The following MRPS26 variants were observed in gnomAD, a reference collection of about 807,000 sequenced individuals.
MRPS26 encodes mitochondrial ribosomal protein S26.
A neutral mutation model predicts 22.7 loss-of-function variants in MRPS26; 26 were observed. That is an observed-to-expected ratio of 1.15 (90% CI 0.84 to 1.59). The LOEUF is 1.59. Among genes scored for constraint, MRPS26 ranks in the 40% most tolerant of loss-of-function variants. MRPS26 has a pLI of 0.00. For missense variants in MRPS26, 291 were observed against 287.7 expected (o/e 1.01, Z -0.08); for synonymous variants, 120 against 124.0 (o/e 0.97, Z 0.22).
Position 3,046,265 on chromosome 20 carries a change from C to T in MRPS26, c.197C>T (p.Thr66Ile). 1 of 1,607,002 alleles carries T rather than the reference C, an allele frequency of 6.2e-7. No homozygotes were observed. ...GAGCGTTACCAGCACTACCGCCAGA[C>T]CGTGCGCGCCCTCAGGTGTGCGGCC... Reference protein sequence around the residue: ...LMERYQHYRQTVRALRMEFVS... With the variant: ...LMERYQHYRQIVRALRMEFVS... The change falls in exon 1 of 4, where the codon ACC (threonine) becomes ATC (isoleucine). Residue 66 changes from threonine (T) to isoleucine (I), a missense_variant. Transcript: ENST00000380325.
chr20:3,047,652 T>C (rs2065995231), intron 3 of MRPS26, 83 bp from the exon 4 acceptor site: 2 of 1,572,924 alleles, frequency 1.3e-6, no homozygotes, highest in African/African-American at 2.8e-5. Flanking sequence ...GCTTTCTCAG[T>C]GGGGTGAGAG....
rs1196505413 is a variant in MRPS26 at position 3,046,499 on chromosome 20, C to T, written c.339C>T (p.Asn113=). The change falls in exon 2 of 4, where the codon AAC becomes AAT. Residue 113 remains asparagine (N), a synonymous_variant. Transcript: ENST00000380325. The part of the protein sequence containing the change: ...RELMAWNQAE[N]RRLHELRIAR... The stretch of plus-strand genomic sequence containing the variant: ...TGATGGCCTGGAACCAGGCGGAGAA[C>T]CGGCGGCTGCACGAGCTGCGGTGCG... 6.4e-7 allele frequency: 1 copy of T among 1,562,402 alleles called. No homozygotes were observed. Among genetic ancestry groups the T allele is most frequent in the South Asian group, 1.2e-5 (1 of 85,570 alleles).
chr20:3,047,115 G>GGGT (rs2065992755), intron 3 of MRPS26, among the ~76,000 whole-genome samples: 1 of 152,138 alleles, frequency 6.6e-6, no homozygotes, highest in Non-Finnish European at 1.5e-5. Flanking sequence ...AAGTATAGAA[G>GGGT]GGTGGCTGGG....
At position 3,046,542 on chromosome 20, in the gene MRPS26, C is replaced by A. The variant is rs533555228; in HGVS notation, c.359+23C>A. On this transcript the variant is annotated intron_variant, in intron 2 of 3. Coordinates refer to ENST00000380325, the MANE Select transcript of MRPS26 (RefSeq NM_030811.4). ...GCGGTGCGTGGGGCGGGAGGCGGGG[C>A]GGGGCGGCGCGGCCTGGCCGGCCTG... The A allele has an allele frequency of 2.4e-4, 359 of 1,509,352 alleles. 1 individual carries two copies. In the African/African-American group the frequency reaches 3.9e-3, roughly 16 times the overall value. The allele number at this position is 1,509,352 out of a possible 1,614,324, so 93.5% of individuals were successfully genotyped here.
rs1363322058 is a variant in MRPS26, at chr20:3,046,640, GGGAGCAGGAGCAGCGGCAGGCGTT to G, written c.395_418del (p.Glu132_Gln139del). ...ATAGCGAGGCTGCGGCAGGAGGAGC[GGGAGCAGGAGCAGCGGCAGGCGTT>G]GGAGCAGGCCCGCAAGGCCGAAGAG... On this transcript the variant is annotated inframe_deletion, in exon 3 of 4. Transcript: ENST00000380325. 5.2e-6 allele frequency: 8 copies of G among 1,539,480 alleles called. No homozygotes were observed. Among genetic ancestry groups the G allele is most frequent in the Non-Finnish European group, 6.1e-6 (7 of 1,139,070 alleles).
Position 3,046,538 on chromosome 20 carries a change from G to T in MRPS26, c.359+19G>T. 6.6e-7 allele frequency: 1 copy of T among 1,512,166 alleles called. No homozygotes were observed. The highest frequency in any genetic ancestry group is 8.8e-7 in the Non-Finnish European group (1 of 1,135,152). 93.7% of individuals were successfully genotyped at this position (1,512,166 alleles called of 1,614,324 possible). A position where few individuals can be genotyped will look rare whatever the true frequency, so the allele number is the denominator to read the frequency against. On this transcript the variant is annotated intron_variant, in intron 2 of 3. Coordinates refer to ENST00000380325, the MANE Select transcript of MRPS26 (RefSeq NM_030811.4). ...AGCTGCGGTGCGTGGGGCGGGAGGC[G>T]GGGCGGGGCGGCGCGGCCTGGCCGG...
At position 3,046,109 on chromosome 20, in the gene MRPS26, G is replaced by C. The variant is rs2065986197; in HGVS notation, c.41G>C (p.Cys14Ser). 1 of 1,563,802 alleles carries C rather than the reference G, an allele frequency of 6.4e-7. No homozygotes were observed. The change falls in exon 1 of 4, where the codon TGC becomes TCC. Residue 14 changes from cysteine to serine, a missense_variant. By Grantham distance (112) the Cys-to-Ser change is moderately radical (BLOSUM62 -1). Coordinates refer to ENST00000380325, the MANE Select transcript of MRPS26 (RefSeq NM_030811.4). ...ALSRLGAGTP[C>S]RPRAPLVLPA... ...AGCCGCCTGGGCGCGGGGACCCCGT[G>C]CAGGCCCCGGGCCCCTCTGGTGCTG...
Position 3,046,494 on chromosome 20 carries a change from G to A in MRPS26, c.334G>A (p.Glu112Lys), listed in dbSNP as rs765579762. ...CGAGCTGATGGCCTGGAACCAGGCG[G>A]AGAACCGGCGGCTGCACGAGCTGCG... ...HRELMAWNQAENRRLHELRIA... is the reference protein window; with the variant it reads ...HRELMAWNQAKNRRLHELRIA... The change falls in exon 2 of 4, where the codon GAG becomes AAG. Residue 112 changes from glutamate to lysine, a missense_variant. Glu to Lys is a moderately conservative substitution (Grantham distance 56). Coordinates refer to ENST00000380325, the MANE Select transcript of MRPS26 (RefSeq NM_030811.4). 1.9e-6 allele frequency: 3 copies of A among 1,567,852 alleles called. No homozygotes were observed. The highest frequency in any genetic ancestry group is 1.2e-5 in the South Asian group (1 of 86,108).
chr20:3,047,138 C>T (rs1196861953), intron 3 of MRPS26, among the ~76,000 whole-genome samples: 1 of 152,144 alleles, frequency 6.6e-6, no homozygotes, highest in Non-Finnish European at 1.5e-5. Context: ...CGGTGGTTCA[C>T]GCCTGTAATC....
At position 3,046,101 on chromosome 20, in the gene MRPS26, G is replaced by T. The variant is rs766267894; in HGVS notation, c.33G>T (p.Gly11=). ...GCGCGCTGAGCCGCCTGGGCGCGGGGACCCCGTGCAGGCCCCGGGCCCCTC... is the reference window on the plus strand; with the variant it reads ...GCGCGCTGAGCCGCCTGGGCGCGGGTACCCCGTGCAGGCCCCGGGCCCCTC... The part of the protein sequence containing the change: MLRALSRLGA[G]TPCRPRAPLV... Residue 11 remains glycine (G), a synonymous_variant, in exon 1 of 4, where the codon GGG becomes GGT. Coordinates refer to ENST00000380325, the MANE Select transcript of MRPS26 (RefSeq NM_030811.4). 1.3e-6 allele frequency: 2 copies of T among 1,550,664 alleles called. No individual in the cohort carries two copies. Among genetic ancestry groups the T allele is most frequent in the Non-Finnish European group, 1.7e-6 (2 of 1,156,810 alleles).
chr20:3,046,559 G>A (rs916310401), intron 2 of MRPS26, 40 bp downstream of exon 2: 2 of 1,516,516 alleles, frequency 1.3e-6, no homozygotes, highest in Non-Finnish European at 8.8e-7. Context: ...GCGCGGCCTG[G>A]CCGGCCTGGG....
In MRPS26 at chr20:3,046,689, G is replaced by A; in HGVS notation, c.435G>A (p.Glu145=). 6.5e-7 allele frequency: 1 copy of A among 1,545,836 alleles called. No homozygotes were observed. The highest frequency in any genetic ancestry group is 8.7e-7 in the Non-Finnish European group (1 of 1,146,290). The change falls in exon 3 of 4, where the codon GAG becomes GAA. Residue 145 remains glutamate, a synonymous_variant. Transcript: ENST00000380325. ...QALEQARKAE[E]VQAWAQRKER... is the part of the protein sequence containing the mutation. ...TGGAGCAGGCCCGCAAGGCCGAAGA[G>A]GTGCAGGCCTGGGCGCAGCGCAAGG...
chr20:3,047,751 T>G lies in MRPS26; in HGVS notation c.500T>G (p.Phe167Cys). 6.2e-7 allele frequency: 1 copy of G among 1,613,544 alleles called. No homozygotes were observed. Among genetic ancestry groups the G allele is most frequent in the Non-Finnish European group, 8.5e-7 (1 of 1,179,792 alleles). The change falls in exon 4 of 4, where the codon TTC becomes TGC. Residue 167 changes from phenylalanine to cysteine, a missense_variant. Transcript: ENST00000380325. ...VLQLQEEVKN[F>C]ITRENLEARV... Reference sequence around the variant, plus strand: ...TCCCGATAGGAAGAGGTGAAAAACTTCATCACCCGAGAGAACCTGGAGGCA... The same window carrying G: ...TCCCGATAGGAAGAGGTGAAAAACTGCATCACCCGAGAGAACCTGGAGGCA...
At chr20:3,047,203 C>A (rs1022674511) in intron 3 of MRPS26, among the ~76,000 whole-genome samples, 1 of 152,038 alleles carries the variant, frequency 6.6e-6, no homozygotes, top group South Asian at 2.1e-4. Context: ...GAGTTCGAGT[C>A]CAGCCTGGCC....
Position 3,046,080 on chromosome 20 carries a change from G to T in MRPS26, c.12G>T (p.Ala4=), listed in dbSNP as rs768238151. 1 of 1,520,474 alleles carries T rather than the reference G, an allele frequency of 6.6e-7. No homozygotes were observed. Among genetic ancestry groups the T allele is most frequent in the Non-Finnish European group, 8.8e-7 (1 of 1,142,202 alleles). 94.2% of individuals were successfully genotyped at this position (1,520,474 alleles called of 1,614,324 possible). Residue 4 remains alanine, a synonymous_variant, in exon 1 of 4, where the codon GCG becomes GCT. Transcript: ENST00000380325. The part of the protein sequence containing the change: MLR[A]LSRLGAGTPC... ...GAGGAGACTCGGCCATGCTACGCGC[G>T]CTGAGCCGCCTGGGCGCGGGGACCC...
chr20:3,046,184 T>A lies in MRPS26; in HGVS notation c.116T>A (p.Ile39Asn). ...TRHDPLAKSK[I>N]ERVNMPPAVD... ...CACGACCCGCTGGCCAAATCCAAGA[T>A]CGAGCGAGTGAACATGCCGCCCGCG... is the stretch of plus-strand genomic sequence containing the variant. The change falls in exon 1 of 4, where the codon ATC becomes AAC. Residue 39 changes from isoleucine to asparagine, a missense_variant. Physicochemically the swap from Ile to Asn is moderately radical, Grantham distance 149 (BLOSUM62 -3). Coordinates refer to ENST00000380325, the MANE Select transcript of MRPS26 (RefSeq NM_030811.4). The A allele has an allele frequency of 6.2e-7, 1 of 1,600,100 alleles. No homozygotes were observed.
chr20:3,046,087 C>A lies in MRPS26; in HGVS notation c.19C>A (p.Arg7Ser). 1 of 1,529,974 alleles carries A rather than the reference C, an allele frequency of 6.5e-7. No homozygotes were observed. The highest frequency in any genetic ancestry group is 2.5e-5 in the East Asian group (1 of 40,516). The allele number at this position is 1,529,974 out of a possible 1,614,324, so 94.8% of individuals were successfully genotyped here. Residue 7 changes from arginine to serine, a missense_variant, in exon 1 of 4, where the codon CGC becomes AGC. Arg to Ser is a moderately radical substitution (Grantham distance 110). Coordinates refer to ENST00000380325, the MANE Select transcript of MRPS26 (RefSeq NM_030811.4). Reference sequence around the variant, plus strand: ...CTCGGCCATGCTACGCGCGCTGAGCCGCCTGGGCGCGGGGACCCCGTGCAG... The same window carrying A: ...CTCGGCCATGCTACGCGCGCTGAGCAGCCTGGGCGCGGGGACCCCGTGCAG... MLRALS[R>S]LGAGTPCRPR...
intron 3 of MRPS26, 114 bp downstream of exon 3, chr20:3,046,851 C>T: frequency 2.8e-6 from 4 of 1,453,980 alleles, no homozygotes; most frequent in Non-Finnish European, 2.7e-6. Context: ...TTACAGTTGG[C>T]AGGTCCGGAT....
Position 3,046,584 on chromosome 20 carries a change from C to G in MRPS26, c.360-30C>G, listed in dbSNP as rs767043698. 8.5e-6 allele frequency: 13 copies of G among 1,530,162 alleles called. No individual in the cohort carries two copies. The East Asian group carries it at 1.5e-4, about 17-fold the overall frequency. The allele number at this position is 1,530,162 out of a possible 1,614,324, so 94.8% of individuals were successfully genotyped here. A position where few individuals can be genotyped will look rare whatever the true frequency, so the allele number is the denominator to read the frequency against. On this transcript the variant is annotated intron_variant, in intron 2 of 3. Coordinates refer to ENST00000380325, the MANE Select transcript of MRPS26 (RefSeq NM_030811.4). Reference sequence around the variant, plus strand: ...GCCGGCCTGGGAGAAGCCCGGGCCCCGCTCAGCCTCGGCCCTTTGACCCTC... The same window carrying G: ...GCCGGCCTGGGAGAAGCCCGGGCCCGGCTCAGCCTCGGCCCTTTGACCCTC...
Sources: allele counts gnomAD v4.1 joint callset (sites outside exome capture counted in the v4.1 genomes callset), GRCh38; gene constraint gnomAD v4.1.1; transcripts MANE v1.5; gene names NCBI Gene and HGNC (gene_info 2026-07-23, HGNC 2026-07-21).